SRGAP2C: variants seen among roughly 807,000 people sequenced by gnomAD.
SRGAP2C encodes the protein SLIT-ROBO Rho GTPase-activating protein 2C.
SRGAP2C carries 15 observed loss-of-function variants against 25.1 expected under a neutral mutation model. The ratio of observed to expected loss-of-function variants is 0.60; its 90% CI spans 0.40 to 0.92. The LOEUF is 0.92. SRGAP2C is among the 40% of genes least tolerant of loss of function. The probability of loss-of-function intolerance (pLI) is 0.00; values close to 1 mark genes in which losing one functional copy is unlikely to be tolerated. For missense variants in SRGAP2C, 144 were observed against 264.4 expected (o/e 0.54, Z 3.16); for synonymous variants, 44 against 96.6 (o/e 0.46, Z 3.19).
At chr1:121,369,530 A>T (rs1659428382) in intron 5 of SRGAP2C, among the ~76,000 whole-genome samples, 1 of 152,142 alleles carries the variant, frequency 6.6e-6, no homozygotes, top group Non-Finnish European at 1.5e-5. Context: ...GGCTTGGAGC[A>T]GCGGCTGTGT....
At chr1:121,222,533 G>A (rs1215028163) in intron 2 of SRGAP2C, among the ~76,000 whole-genome samples, 1 of 152,128 alleles carries the variant, frequency 6.6e-6, no homozygotes, top group Non-Finnish European at 1.5e-5. Flanking sequence ...GGAGGCTGAG[G>A]CAGGAGGATC....
Position 121,239,212 on chromosome 1 carries a change from A to ACTATATC in SRGAP2C, c.68-45591_68-45590insCTATATC, listed in dbSNP as rs1439555672. ...TATATATATATATATATATATATAT[A>ACTATATC]TATATATATATATATACTATATATA... On this transcript the variant is annotated intron_variant, in intron 2 of 9. Coordinates refer to ENST00000367123, the MANE Select transcript of SRGAP2C (RefSeq NM_001329984.2). 5.1e-3 allele frequency among the ~76,000 whole-genome samples: 23 copies of ACTATATC among 4,536 alleles called. 4 individuals carry two copies. Among genetic ancestry groups the ACTATATC allele is most frequent in the African/African-American group, 0.044 (23 of 524 alleles). 3.0% of individuals were successfully genotyped at this position (4,536 alleles called of 152,430 possible).
chr1:121,375,318 CTTTTTT>C (rs1231177207), intron 7 of SRGAP2C, among the ~76,000 whole-genome samples: 4 of 19,796 alleles, frequency 2.0e-4, no homozygotes, highest in African/African-American at 5.6e-4. Context: ...TACTTTCTTC[CTTTTTT>C]TTTTTTTTTT....
At chr1:121,258,591 G>T (rs1656537588) in intron 2 of SRGAP2C, among the ~76,000 whole-genome samples, 1 of 150,950 alleles carries the variant, frequency 6.6e-6, no homozygotes. Context: ...TCAGCCTCCT[G>T]AGTAGCTGGG....
rs1553341495 is a variant in SRGAP2C, at chr1:121,324,555, A to G, written c.338A>G (p.His113Arg). The G allele has an allele frequency of 5.0e-5, 81 of 1,611,384 alleles. No individual in the cohort carries two copies. The South Asian group carries it at 8.6e-4, about 17-fold the overall frequency. The change falls in exon 4 of 10, where the codon CAT becomes CGT. Residue 113 changes from histidine (H) to arginine (R), a missense_variant. Around this residue, in one of 5 missense-constraint regions of SRGAP2C, gnomAD observed 61 missense variants for 61.7 expected, o/e 0.99. Coordinates refer to ENST00000367123, the MANE Select transcript of SRGAP2C (RefSeq NM_001329984.2). ...CAGGTGAAGTGGGAAAGCAGGGACC[A>G]TACCACCCTGAGTGACATCTACCTG... is the stretch of plus-strand genomic sequence containing the variant. ...LNQVKWESRD[H>R]TTLSDIYLNN... is the part of the protein sequence containing the mutation.
chr1:121,335,763 C>CT (rs1658502023), intron 4 of SRGAP2C, among the ~76,000 whole-genome samples: 1 of 149,826 alleles, frequency 6.7e-6, no homozygotes, highest in East Asian at 2.0e-4. Context: ...CTTAAAAATT[C>CT]TTGTTTGCTA....
At chr1:121,273,791 G>C (rs1347916803) in intron 2 of SRGAP2C, among the ~76,000 whole-genome samples, 4 of 151,650 alleles carry the variant, frequency 2.6e-5, no homozygotes, top group African/African-American at 9.7e-5. Flanking sequence ...CTCTGTACTT[G>C]TTGTTGACAT....
At chr1:121,306,135 T>A (rs1471330732) in intron 3 of SRGAP2C, among the ~76,000 whole-genome samples, 10 of 151,924 alleles carry the variant, frequency 6.6e-5, no homozygotes, top group African/African-American at 1.2e-4. Flanking sequence ...GTAGGTCAAA[T>A]AATTCACCAG....
At chr1:121,329,875 C>T (rs1176622426) in intron 4 of SRGAP2C, among the ~76,000 whole-genome samples, 1 of 152,068 alleles carries the variant, frequency 6.6e-6, no homozygotes, top group African/African-American at 2.4e-5. Context: ...GAAAATTGAG[C>T]CCGTTTGGTG....
intron 3 of SRGAP2C, among the ~76,000 whole-genome samples, chr1:121,285,897 G>A (rs1230140478): frequency 6.6e-6 from 1 of 151,846 alleles, no homozygotes; most frequent in African/African-American, 2.4e-5. Flanking sequence ...CCACAGCAGG[G>A]GTGTCCAATC....
chr1:121,374,883 T>G lies in SRGAP2C; in HGVS notation c.760T>G (p.Leu254Val). Residue 254 changes from leucine (L) to valine (V), a missense_variant, in exon 7 of 10, where the codon TTG becomes GTG. Leu to Val is a conservative substitution (Grantham distance 32). Coordinates refer to ENST00000367123, the MANE Select transcript of SRGAP2C (RefSeq NM_001329984.2). ...LKAIKAQNEY[L>V]LALEATNASV... is the part of the protein sequence containing the mutation. ...GGCCATCAAAGCCCAGAATGAGTAC[T>G]TGCTGGCTTTGGAGGCAACCAATGC... The G allele has an allele frequency of 1.3e-6, 1 of 779,582 alleles. No homozygotes were observed. The highest frequency in any genetic ancestry group is 2.4e-5 in the East Asian group (1 of 41,228). 48.3% of individuals were successfully genotyped at this position (779,582 alleles called of 1,614,324 possible).
intron 2 of SRGAP2C, among the ~76,000 whole-genome samples, chr1:121,234,880 A>T (rs1220971615): frequency 4.6e-5 from 7 of 150,796 alleles, no homozygotes; most frequent in African/African-American, 7.4e-5. Context: ...CAGCAAGAAG[A>T]CCCTCACCAG....
intron 2 of SRGAP2C, among the ~76,000 whole-genome samples, chr1:121,212,116 G>T (rs1314452025): frequency 8.2e-6 from 1 of 121,856 alleles, no homozygotes; most frequent in Non-Finnish European, 1.6e-5. Context: ...TGCTTTCATG[G>T]AGCTGTATTT....
chr1:121,255,529 T>C (rs1422374189), intron 2 of SRGAP2C, among the ~76,000 whole-genome samples: 1 of 150,714 alleles, frequency 6.6e-6, no homozygotes, highest in Non-Finnish European at 1.5e-5. Flanking sequence ...TAATTCTCCC[T>C]CTGAAAATTC....
Position 121,284,922 on chromosome 1 carries a change from T to C in SRGAP2C, c.187T>C (p.Tyr63His). 1 of 1,545,446 alleles carries C rather than the reference T, an allele frequency of 6.5e-7. No individual in the cohort carries two copies. Among genetic ancestry groups the C allele is most frequent in the Non-Finnish European group, 8.7e-7 (1 of 1,144,026 alleles). Residue 63 changes from tyrosine (Y) to histidine (H), a missense_variant, in exon 3 of 10, where the codon TAC becomes CAC. Physicochemically the swap from Tyr to His is moderately conservative, Grantham distance 83 (BLOSUM62 2). Coordinates refer to ENST00000367123, the MANE Select transcript of SRGAP2C (RefSeq NM_001329984.2). The part of the protein sequence containing the change: ...FRKKAEIEMD[Y>H]SRNLEKLAEH... Reference sequence around the variant, plus strand: ...AAAGAAGGCAGAGATTGAGATGGACTACTCCCGCAACCTGGAGAAGCTGGC... The same window carrying C: ...AAAGAAGGCAGAGATTGAGATGGACCACTCCCGCAACCTGGAGAAGCTGGC...
chr1:121,221,920 G>T (rs1288647499), intron 2 of SRGAP2C, among the ~76,000 whole-genome samples: 3 of 151,994 alleles, frequency 2.0e-5, no homozygotes, highest in Non-Finnish European at 4.4e-5. Flanking sequence ...TCCTTGAAAT[G>T]CTAGCGTCCT....
chr1:121,366,565 GT>G (rs1659327443), intron 5 of SRGAP2C, among the ~76,000 whole-genome samples: 1 of 150,400 alleles, frequency 6.6e-6, no homozygotes, highest in African/African-American at 2.5e-5. Flanking sequence ...AAGTTAAGAG[GT>G]TTTTAAAATA....
chr1:121,315,557 C>A (rs1349924906), intron 3 of SRGAP2C, among the ~76,000 whole-genome samples: 1 of 151,544 alleles, frequency 6.6e-6, no homozygotes, highest in Non-Finnish European at 1.5e-5. Flanking sequence ...TACCACTCAG[C>A]CCTTTAAAGT....
At chr1:121,350,544 T>C (rs1253758906) in intron 4 of SRGAP2C, among the ~76,000 whole-genome samples, 1 of 152,060 alleles carries the variant, frequency 6.6e-6, no homozygotes, top group Non-Finnish European at 1.5e-5. Context: ...GTTTAATATG[T>C]TTATGAGATT....
Sources: gnomAD v4.1 joint callset for allele counts (sites outside exome capture counted in the v4.1 genomes callset) on GRCh38, gnomAD v4.1.1 for gene constraint, gnomAD v4.1.1 regional missense constraint, MANE v1.5 for transcripts, NCBI Gene and HGNC (gene_info 2026-07-23, HGNC 2026-07-21) for gene names.